Variants in CNTNAP2 observed in about 807,000 individuals in gnomAD.
The protein encoded by CNTNAP2 is contactin-associated protein-like 2.
Under a neutral mutation model 155.2 loss-of-function variants are expected in CNTNAP2, and 98 were observed. The ratio of observed to expected loss-of-function variants is 0.63; its 90% CI spans 0.54 to 0.75. The LOEUF is 0.75. CNTNAP2 is among the 30% of genes least tolerant of loss of function. The probability of loss-of-function intolerance (pLI) is 0.00; values close to 1 mark genes in which losing one functional copy is unlikely to be tolerated. For missense variants in CNTNAP2, 1,727 were observed against 1,688.1 expected, an observed-to-expected ratio of 1.02 and a Z score of -0.40; for synonymous variants, 651 against 631.2, an observed-to-expected ratio of 1.03 and a Z score of -0.47.
At chr7:146,463,588 G>A (rs73462766) in intron 1 of CNTNAP2, among the ~76,000 whole-genome samples, 4,170 of 150,944 alleles carry the variant, frequency 0.028, 141 homozygotes, top group African/African-American at 0.075. Context: ...ATATACATAC[G>A]TGCACATGCA....
At chr7:146,219,987 A>T (rs976144510) in intron 1 of CNTNAP2, among the ~76,000 whole-genome samples, 2 of 152,118 alleles carry the variant, frequency 1.3e-5, no homozygotes, top group Non-Finnish European at 2.9e-5. Flanking sequence ...GGAGAGGCAA[A>T]CTGAGTTGCC....
At chr7:146,291,283 G>T (rs1316126617) in intron 1 of CNTNAP2, among the ~76,000 whole-genome samples, 1 of 151,930 alleles carries the variant, frequency 6.6e-6, no homozygotes, top group African/African-American at 2.4e-5. Context: ...GTATCTCATG[G>T]GCCAAATTCA....
At chr7:147,035,781 G>C (rs1179681219) in intron 3 of CNTNAP2, among the ~76,000 whole-genome samples, 1 of 152,056 alleles carries the variant, frequency 6.6e-6, no homozygotes, top group Non-Finnish European at 1.5e-5. Context: ...CTCCTAAAAA[G>C]TGAGGATTTA....
chr7:146,722,670 G>A (rs1222051716), intron 1 of CNTNAP2, among the ~76,000 whole-genome samples: 2 of 151,788 alleles, frequency 1.3e-5, no homozygotes, highest in Admixed American at 6.6e-5. Context: ...TTACAATTAT[G>A]GGTTAGTGTT....
intron 14 of CNTNAP2, among the ~76,000 whole-genome samples, chr7:147,907,868 GC>G (rs1799990676): frequency 6.6e-6 from 1 of 151,738 alleles, no homozygotes; most frequent in Non-Finnish European, 1.5e-5. Context: ...CGCAACCTCT[GC>G]CCCCAGTCTC....
intron 1 of CNTNAP2, among the ~76,000 whole-genome samples, chr7:146,127,237 A>C (rs760772617): frequency 6.6e-6 from 1 of 152,294 alleles, no homozygotes; most frequent in Non-Finnish European, 1.5e-5. Flanking sequence ...TTTTAGAGGA[A>C]ACTCATTTAC....
chr7:148,299,237 T>A (rs545670466), intron 21 of CNTNAP2, among the ~76,000 whole-genome samples: 23 of 152,108 alleles, frequency 1.5e-4, no homozygotes, highest in Admixed American at 1.2e-3. Context: ...TGATGTGCCC[T>A]CCTCAGCCTC....
intron 13 of CNTNAP2, among the ~76,000 whole-genome samples, chr7:147,785,185 A>C (rs186280694): frequency 2.0e-5 from 3 of 152,282 alleles, no homozygotes; most frequent in Admixed American, 1.3e-4. Flanking sequence ...GGGTGTGGGA[A>C]AGTTGTCACC....
intron 8 of CNTNAP2, among the ~76,000 whole-genome samples, chr7:147,232,815 AC>A (rs1252257732): frequency 2.6e-5 from 4 of 152,218 alleles, no homozygotes; most frequent in African/African-American, 9.6e-5. Context: ...TTTCTGAAGA[AC>A]AATTATTGAA....
intron 1 of CNTNAP2, among the ~76,000 whole-genome samples, chr7:146,696,468 AC>A (rs1198079788): frequency 3.9e-4 from 59 of 152,254 alleles, no homozygotes; most frequent in African/African-American, 1.4e-3. Flanking sequence ...TTTTCAAAGA[AC>A]ACTAGCTTTT....
At chr7:147,471,753 C>T (rs1310369411) in intron 10 of CNTNAP2, among the ~76,000 whole-genome samples, 1 of 152,158 alleles carries the variant, frequency 6.6e-6, no homozygotes, top group Non-Finnish European at 1.5e-5. Flanking sequence ...GTTGAGGAAA[C>T]AGACATGTTC....
intron 4 of CNTNAP2, among the ~76,000 whole-genome samples, chr7:147,089,012 G>GAGAGAAAGAGAA (rs57021242): frequency 1.3e-3 from 200 of 151,684 alleles, no homozygotes; most frequent in African/African-American, 4.1e-3. Flanking sequence ...GAGAGAGAAA[G>GAGAGAAAGAGAA]AGAGAAAGAG....
chr7:146,973,671 A>G (rs1204769536), intron 3 of CNTNAP2, among the ~76,000 whole-genome samples: 1 of 152,220 alleles, frequency 6.6e-6, no homozygotes, highest in Non-Finnish European at 1.5e-5. Context: ...CTAAAAAGGC[A>G]TGATATGTGA....
intron 3 of CNTNAP2, among the ~76,000 whole-genome samples, chr7:147,040,451 ATTTTTTT>A (rs34880534): frequency 1.5e-4 from 12 of 80,830 alleles, no homozygotes; most frequent in African/African-American, 1.7e-4. Flanking sequence ...TTAAGAGTGA[ATTTTTTT>A]TTTTTTTTTT....
chr7:146,278,534 A>G (rs990340670), intron 1 of CNTNAP2, among the ~76,000 whole-genome samples: 1 of 152,186 alleles, frequency 6.6e-6, no homozygotes, highest in Non-Finnish European at 1.5e-5. Context: ...TGTGGTTTCT[A>G]TTTAGTCCCT....
chr7:147,532,864 A>T (rs1799467815), intron 11 of CNTNAP2, among the ~76,000 whole-genome samples: 3 of 152,034 alleles, frequency 2.0e-5, no homozygotes, highest in Admixed American at 2.0e-4. Context: ...TGATTCAATT[A>T]CCTCCCCCTG....
At chr7:147,859,266 A>G (rs189551904) in intron 13 of CNTNAP2, among the ~76,000 whole-genome samples, 74 of 152,264 alleles carry the variant, frequency 4.9e-4, no homozygotes, top group African/African-American at 1.6e-3. Flanking sequence ...CAGAAATATC[A>G]TATCTGCCAA....
intron 8 of CNTNAP2, among the ~76,000 whole-genome samples, chr7:147,253,913 C>A (rs562326006): frequency 1.3e-5 from 2 of 152,186 alleles, no homozygotes; most frequent in Admixed American, 1.3e-4. Flanking sequence ...CAGTCTTATT[C>A]CTATTTTAGT....
intron 15 of CNTNAP2, among the ~76,000 whole-genome samples, chr7:148,028,295 A>G (rs2116457606): frequency 6.6e-6 from 1 of 152,214 alleles, no homozygotes; most frequent in East Asian, 1.9e-4. Flanking sequence ...TCCAAAGGAG[A>G]TCAGGGTCTG....
Sources: allele counts gnomAD v4.1 joint callset (sites outside exome capture counted in the v4.1 genomes callset), GRCh38; gene constraint gnomAD v4.1.1; transcripts MANE v1.5; gene names NCBI Gene and HGNC (gene_info 2026-07-23, HGNC 2026-07-21).